PROM2: variants seen among roughly 807,000 people sequenced by gnomAD.
The protein encoded by PROM2 is prominin-2.
A neutral mutation model predicts 110.2 loss-of-function variants in PROM2; 90 were observed. The ratio of observed to expected loss-of-function variants is 0.82; its 90% confidence interval spans 0.69 to 0.97. The LOEUF is 0.97. Ranked by LOEUF, PROM2 falls within the 50% of genes least tolerant of loss-of-function variation. PROM2 has a pLI of 0.00. For synonymous variants in PROM2, 470 were observed against 467.8 expected (o/e 1.00, Z -0.06); for missense variants, 1,009 against 1,074.8 (o/e 0.94, Z 0.86).
chr2:95,277,507 G>A lies in PROM2; in HGVS notation c.916G>A (p.Asp306Asn), dbSNP rs771864204. Residue 306 changes from aspartate (D) to asparagine (N), a missense_variant, in exon 7 of 24, where the codon GAT (aspartate) becomes AAT (asparagine). By Grantham distance (23) the Asp-to-Asn change is conservative. Transcript: ENST00000317620. ...ELLQEARCQG[D>N]CAGALSWART... ...GCTGCAGGAGGCCAGGTGCCAGGGAGATTGTGCAGGGGCCCTGAGCTGGGC... is the reference window on the plus strand; with the variant it reads ...GCTGCAGGAGGCCAGGTGCCAGGGAAATTGTGCAGGGGCCCTGAGCTGGGC... 2 of 1,610,922 alleles carry A rather than the reference G, an allele frequency of 1.2e-6. No homozygotes were observed. The highest frequency in any genetic ancestry group is 1.7e-6 in the Non-Finnish European group (2 of 1,179,138).
chr2:95,276,781 A>G lies in PROM2; in HGVS notation c.682+124A>G. 1 of 1,225,214 alleles carries G rather than the reference A, an allele frequency of 8.2e-7. No individual in the cohort carries two copies. Among genetic ancestry groups the G allele is most frequent in the Non-Finnish European group, 1.2e-6 (1 of 854,504 alleles). 75.9% of individuals were successfully genotyped at this position (1,225,214 alleles called of 1,614,324 possible). On this transcript the variant is annotated intron_variant, in intron 5 of 23. Coordinates refer to ENST00000317620, the MANE Select transcript of PROM2 (RefSeq NM_001165978.3). The surrounding 1 kb of genome is among the most constrained non-coding windows in gnomAD (Gnocchi z 4.6). ...CGGGAACAGGCTGGTAGAGGTGGGG[A>G]TCAGGCCGGCTGGAGAGCAAGAGTG... is the stretch of plus-strand genomic sequence containing the variant.
In PROM2 at chr2:95,279,981, G is replaced by A; in HGVS notation, c.1411G>A (p.Ala471Thr). ...SHPEAKGEAG[A>T]RFLMAGVGLS... ...CCCAGAAGCCAAGGGCGAGGCTGGAGCCCGCTTCCTCATGGCGTAAGAAAG... is the reference window on the plus strand; with the variant it reads ...CCCAGAAGCCAAGGGCGAGGCTGGAACCCGCTTCCTCATGGCGTAAGAAAG... The change falls in exon 11 of 24, where the codon GCC becomes ACC. Residue 471 changes from alanine (A) to threonine (T), a missense_variant. By Grantham distance (58) the Ala-to-Thr change is moderately conservative (BLOSUM62 0). Transcript: ENST00000317620. The A allele has an allele frequency of 6.8e-7, 1 of 1,464,930 alleles. No homozygotes were observed. The highest frequency in any genetic ancestry group is 9.1e-7 in the Non-Finnish European group (1 of 1,103,884). 90.7% of individuals were successfully genotyped at this position (1,464,930 alleles called of 1,614,324 possible).
At chr2:95,274,961 G>A (rs1431732134) in intron 1 of PROM2, 132 bp downstream of exon 1, 5 of 1,245,268 alleles carry the variant, frequency 4.0e-6, no homozygotes, top group Non-Finnish European at 4.3e-6. Context: ...AGAAGGCGGA[G>A]GATCTGGGGA....
chr2:95,275,093 C>T lies in PROM2; in HGVS notation c.244+264C>T. The T allele has an allele frequency of 2.0e-6, 1 of 489,498 alleles. No individual in the cohort carries two copies. Among genetic ancestry groups the T allele is most frequent in the Non-Finnish European group, 3.5e-6 (1 of 282,220 alleles). The allele number at this position is 489,498 out of a possible 1,614,324, so 30.3% of individuals were successfully genotyped here. On this transcript the variant is annotated intron_variant, in intron 1 of 23. Transcript: ENST00000317620. The surrounding 1 kb of genome is among the most constrained non-coding windows in gnomAD (Gnocchi z 4.4). ...ACATTAGACCTGACTCAGACATCCT[C>T]TTAGTCTATCGGTGCTTGGGTTGGG...
intron 13 of PROM2, 50 bp from the exon 14 acceptor site, chr2:95,282,092 C>A (rs370532664): frequency 5.0e-6 from 8 of 1,606,970 alleles, no homozygotes; most frequent in South Asian, 2.2e-5. Flanking sequence ...GGACATCAGC[C>A]CCCCCGCCAC....
At position 95,289,084 on chromosome 2, in the gene PROM2, G is replaced by T; in HGVS notation, c.*10+78G>T. On this transcript the variant is annotated intron_variant, in intron 23 of 23. Coordinates refer to ENST00000317620, the MANE Select transcript of PROM2 (RefSeq NM_001165978.3). ...GGGTGGGGAGGGGCTGGGGTCTGGG[G>T]TTTCCAGGGCCTAGGAGGGCAGGAA... The T allele has an allele frequency of 2.5e-6, 3 of 1,206,836 alleles. No homozygotes were observed. In the Admixed American group the frequency reaches 5.2e-5, roughly 21 times the overall value. The allele number at this position is 1,206,836 out of a possible 1,614,324, so 74.8% of individuals were successfully genotyped here.
In PROM2 at chr2:95,276,878, C is replaced by G. The variant is rs1481483020; in HGVS notation, c.683-94C>G. 2 of 1,368,106 alleles carry G rather than the reference C, an allele frequency of 1.5e-6. No individual in the cohort carries two copies. Among genetic ancestry groups the G allele is most frequent in the Admixed American group, 2.0e-5 (1 of 49,366 alleles). The allele number at this position is 1,368,106 out of a possible 1,614,324, so 84.7% of individuals were successfully genotyped here. On this transcript the variant is annotated intron_variant, in intron 5 of 23. Coordinates refer to ENST00000317620, the MANE Select transcript of PROM2 (RefSeq NM_001165978.3). The surrounding 1 kb of genome is among the most constrained non-coding windows in gnomAD (Gnocchi z 4.6). ...ACTCCCCTCCACCCCCCGGCTCCTG[C>G]AGAGCCCGGTGGGGCCTGGGGAGGC...
At position 95,287,484 on chromosome 2, in the gene PROM2, C is replaced by A; in HGVS notation, c.2244+20C>A. 6.2e-7 allele frequency: 1 copy of A among 1,609,820 alleles called. No individual in the cohort carries two copies. Among genetic ancestry groups the A allele is most frequent in the Non-Finnish European group, 8.5e-7 (1 of 1,176,526 alleles). On this transcript the variant is annotated intron_variant, in intron 20 of 23. Transcript: ENST00000317620. ...GAGGAGGTGAGTGGGGCCTCAGAAG[C>A]AATGACTGATTCCCTGCTCCATCGG...
chr2:95,276,338 T>C lies in PROM2; in HGVS notation c.609T>C (p.Asp203=), dbSNP rs1676658581. The change falls in exon 4 of 24, where the codon GAT becomes GAC. Residue 203 remains aspartate, a synonymous_variant. Coordinates refer to ENST00000317620, the MANE Select transcript of PROM2 (RefSeq NM_001165978.3). The surrounding 1 kb of genome is among the most constrained non-coding windows in gnomAD (Gnocchi z 4.6). ...TCAGCCTCTGGGGCCTGGTCTCTGATGTCCCCCAAGTGAGCACTGTTACCC... is the reference window on the plus strand; with the variant it reads ...TCAGCCTCTGGGGCCTGGTCTCTGACGTCCCCCAAGTGAGCACTGTTACCC... ...TLLSLWGLVS[D]VPQELQAVAQ... 2 of 1,613,522 alleles carry C rather than the reference T, an allele frequency of 1.2e-6. No individual in the cohort carries two copies. The highest frequency in any genetic ancestry group is 1.7e-6 in the Non-Finnish European group (2 of 1,179,980).
At chr2:95,274,964 T>C in intron 1 of PROM2, 135 bp downstream of exon 1, 1 of 1,207,198 alleles carries the variant, frequency 8.3e-7, no homozygotes. Context: ...AGGCGGAGGA[T>C]CTGGGGAGGG....
In PROM2 at chr2:95,274,840, C is replaced by A; in HGVS notation, c.244+11C>A. The A allele has an allele frequency of 6.5e-7, 1 of 1,538,840 alleles. No individual in the cohort carries two copies. Among genetic ancestry groups the A allele is most frequent in the South Asian group, 1.2e-5 (1 of 83,746 alleles). ...ATCCTTTCCCTTCAGGTGAGTGTGC[C>A]CCTCCCCCATGAGGGCCTCAGCATT... On this transcript the variant is annotated intron_variant, in intron 1 of 23. Transcript: ENST00000317620.
At chr2:95,279,454 G>A (rs1474569942) in intron 10 of PROM2, among the ~76,000 whole-genome samples, 1 of 151,954 alleles carries the variant, frequency 6.6e-6, no homozygotes, top group Non-Finnish European at 1.5e-5. Flanking sequence ...GCGCCACCAC[G>A]CCCAGCTAAT....
At chr2:95,287,594 C>A (rs1677448298) in intron 20 of PROM2, 130 bp downstream of exon 20, 2 of 854,584 alleles carry the variant, frequency 2.3e-6, no homozygotes, top group South Asian at 1.7e-5. Context: ...AACCCAAACT[C>A]CCAAACCTGG....
rs1676575174 is a variant in PROM2, at chr2:95,275,214, G to T, written c.245-247G>T. 6.6e-6 allele frequency among the ~76,000 whole-genome samples: 1 copy of T among 152,224 alleles called. No individual in the cohort carries two copies. Among genetic ancestry groups the T allele is most frequent in the East Asian group, 1.9e-4 (1 of 5,192 alleles). On this transcript the variant is annotated intron_variant, in intron 1 of 23. Transcript: ENST00000317620. This position sits in a 1 kb window ranked among gnomAD's most constrained non-coding sequence, Gnocchi z 4.4. ...AGACCCCTTCTCTGCCTTTGCCCAG[G>T]CTCAGGACTGACCTGTAGGGTCCAG...
chr2:95,286,486 C>T lies in PROM2; in HGVS notation c.1955C>T (p.Ser652Phe). 1 of 1,613,626 alleles carries T rather than the reference C, an allele frequency of 6.2e-7. No homozygotes were observed. Among genetic ancestry groups the T allele is most frequent in the Non-Finnish European group, 8.5e-7 (1 of 1,179,876 alleles). Reference sequence around the variant, plus strand: ...ATTTTTGTATCCTTTCAGGACAATTCTGTGCTGGGGCAGCGGCTGCAGGAG... The same window carrying T: ...ATTTTTGTATCCTTTCAGGACAATTTTGTGCTGGGGCAGCGGCTGCAGGAG... The part of the protein sequence containing the change: ...LQGLAQAQDN[S>F]VLGQRLQEEA... Residue 652 changes from serine to phenylalanine, a missense_variant, in exon 17 of 24, where the codon TCT (serine) becomes TTT (phenylalanine). Coordinates refer to ENST00000317620, the MANE Select transcript of PROM2 (RefSeq NM_001165978.3).
Position 95,285,658 on chromosome 2 carries a change from A to G in PROM2, c.1895A>G (p.Lys632Arg). ...FLVQIQRPVVKTSMEQLAQEL... is the reference protein window; with the variant it reads ...FLVQIQRPVVRTSMEQLAQEL... Reference sequence around the variant, plus strand: ...CTGCAGATCCAGAGGCCCGTGGTGAAGACCAGCATGGAGCAGCTGGCCCAG... The same window carrying G: ...CTGCAGATCCAGAGGCCCGTGGTGAGGACCAGCATGGAGCAGCTGGCCCAG... The change falls in exon 16 of 24, where the codon AAG becomes AGG. Residue 632 changes from lysine (K) to arginine (R), a missense_variant. Lys to Arg is a conservative substitution (Grantham distance 26). Coordinates refer to ENST00000317620, the MANE Select transcript of PROM2 (RefSeq NM_001165978.3). 2 of 1,603,758 alleles carry G rather than the reference A, an allele frequency of 1.2e-6. No individual in the cohort carries two copies. The highest frequency in any genetic ancestry group is 1.7e-6 in the Non-Finnish European group (2 of 1,174,872).
Position 95,279,905 on chromosome 2 carries a change from G to A in PROM2, c.1335G>A (p.Leu445=). The change falls in exon 11 of 24, where the codon CTG becomes CTA. Residue 445 remains leucine, a synonymous_variant. Transcript: ENST00000317620. The stretch of plus-strand genomic sequence containing the variant: ...TATTCGTGGTGCTCTGCAACCTGCT[G>A]GGCCTCAATCTGGGCATCTGGGGCC... ...VVLFVVLCNL[L]GLNLGIWGLS... is the part of the protein sequence containing the mutation. The A allele has an allele frequency of 1.3e-6, 2 of 1,560,930 alleles. No homozygotes were observed.
At position 95,288,237 on chromosome 2, in the gene PROM2, G is replaced by A. The variant is rs1420430829; in HGVS notation, c.2271G>A (p.Gln757=). ...EEVTQRIATC[Q]PLSGALDNSR... Reference sequence around the variant, plus strand: ...TGACTCAGCGCATTGCCACCTGCCAGCCCCTCTCCGGAGCCCTGGACAACA... The same window carrying A: ...TGACTCAGCGCATTGCCACCTGCCAACCCCTCTCCGGAGCCCTGGACAACA... Residue 757 remains glutamine (Q), a synonymous_variant, in exon 21 of 24, where the codon CAG becomes CAA. Coordinates refer to ENST00000317620, the MANE Select transcript of PROM2 (RefSeq NM_001165978.3). 5 of 1,613,818 alleles carry A rather than the reference G, an allele frequency of 3.1e-6. No homozygotes were observed. Among genetic ancestry groups the A allele is most frequent in the Non-Finnish European group, 4.2e-6 (5 of 1,180,032 alleles).
Position 95,288,600 on chromosome 2 carries a change from G to T in PROM2, c.2441+11G>T, listed in dbSNP as rs1677519682. The T allele has an allele frequency of 1.9e-6, 3 of 1,608,766 alleles. No homozygotes were observed. The highest frequency in any genetic ancestry group is 1.1e-5 in the South Asian group (1 of 90,756). ...CCGGAAACGCCTCAGGTGAGGGGCT[G>T]CCAGGGCTGCAGGCAGCATCAGGGG... On this transcript the variant is annotated intron_variant, in intron 22 of 23. Transcript: ENST00000317620.
Sources: gnomAD v4.1 joint callset for allele counts (sites outside exome capture counted in the v4.1 genomes callset) on GRCh38, gnomAD v4.1.1 for gene constraint, Gnocchi (gnomAD v3.1) non-coding constraint, MANE v1.5 for transcripts, NCBI Gene and HGNC (gene_info 2026-07-23, HGNC 2026-07-21) for gene names.